Variants in TMPRSS11A observed in about 807,000 individuals in gnomAD.
TMPRSS11A encodes the protein transmembrane protease serine 11A.
A neutral mutation model predicts 58.9 loss-of-function variants in TMPRSS11A; 53 were observed. The observed-to-expected ratio is 0.90, with a 90% CI of 0.72 to 1.13. The LOEUF (loss-of-function observed/expected upper bound fraction) is 1.13, where lower values mean the gene tolerates loss of function less well. Ranked by LOEUF, TMPRSS11A falls within the 50% of genes most tolerant of loss-of-function variation. TMPRSS11A has a pLI of 0.00. For synonymous variants in TMPRSS11A, 167 were observed against 169.8 expected (o/e 0.98, Z 0.13); for missense variants, 493 against 499.3 (o/e 0.99, Z 0.12).
intron 1 of TMPRSS11A, 39 bp downstream of exon 1, chr4:67,963,344 A>G: frequency 6.2e-7 from 1 of 1,611,456 alleles, no homozygotes; most frequent in Non-Finnish European, 8.5e-7. Flanking sequence ...GACAGACAGT[A>G]CATCAAACAA....
At chr4:67,943,567 T>C (rs933512018) in intron 3 of TMPRSS11A, among the ~76,000 whole-genome samples, 5 of 152,164 alleles carry the variant, frequency 3.3e-5, no homozygotes, top group Non-Finnish European at 7.4e-5. Context: ...TGATTGCAAA[T>C]GCTCTTTTAT....
intron 3 of TMPRSS11A, among the ~76,000 whole-genome samples, chr4:67,935,395 C>A (rs923240137): frequency 1.3e-5 from 2 of 152,160 alleles, no homozygotes; most frequent in African/African-American, 2.4e-5. Context: ...CCTTCAAGGC[C>A]AATCTCAGAT....
At position 67,918,993 on chromosome 4, in the gene TMPRSS11A, A is replaced by C; in HGVS notation, c.932T>G (p.Phe311Cys). The C allele has an allele frequency of 6.2e-7, 1 of 1,614,132 alleles. No individual in the cohort carries two copies. Among genetic ancestry groups the C allele is most frequent in the Non-Finnish European group, 8.5e-7 (1 of 1,180,004 alleles). Residue 311 changes from phenylalanine to cysteine, a missense_variant, in exon 8 of 10, where the codon TTT becomes TGT. Coordinates refer to ENST00000508048, the MANE Select transcript of TMPRSS11A (RefSeq NM_001114387.2). ...QPNLTVHITG[F>C]GALYYGGESQ... ...CCCACCACCATAGTAAAGTGCTCCA[A>C]ATCCTGTGATGTGGACAGTCAAATT...
intron 1 of TMPRSS11A, among the ~76,000 whole-genome samples, chr4:67,963,152 T>C (rs1721480336): frequency 6.6e-6 from 1 of 152,226 alleles, no homozygotes; most frequent in Non-Finnish European, 1.5e-5. Context: ...ATCTTAACTA[T>C]TGAACTTGGC....
rs1577851727 is a variant in TMPRSS11A at position 67,917,764 on chromosome 4, A to C, written c.952+1209T>G. On this transcript the variant is annotated intron_variant, in intron 8 of 9. Transcript: ENST00000508048. Reference sequence around the variant, plus strand: ...CTCCTGAAAGTGATTTTTCCCACCAAGCCAAAGGGGATTTGTGATGTCTTT... The same window carrying C: ...CTCCTGAAAGTGATTTTTCCCACCACGCCAAAGGGGATTTGTGATGTCTTT... Among the ~76,000 whole-genome samples, 4 of 152,258 alleles carry C rather than the reference A, an allele frequency of 2.6e-5. No individual in the cohort carries two copies. The South Asian group carries it at 8.3e-4, about 32-fold the overall frequency.
At chr4:67,925,432 G>T (rs988557137) in intron 5 of TMPRSS11A, among the ~76,000 whole-genome samples, 1 of 152,142 alleles carries the variant, frequency 6.6e-6, no homozygotes. Flanking sequence ...ATGTTTCTCA[G>T]ACACATTCTC....
intron 9 of TMPRSS11A, among the ~76,000 whole-genome samples, chr4:67,913,808 A>G (rs1241711820): frequency 6.6e-6 from 1 of 152,242 alleles, no homozygotes; most frequent in Non-Finnish European, 1.5e-5. Flanking sequence ...GACTCTGGAC[A>G]GGACTTTCTG....
At position 67,946,575 on chromosome 4, in the gene TMPRSS11A, A is replaced by T. The variant is rs768319394; in HGVS notation, c.12-4T>A. 1.9e-6 allele frequency: 3 copies of T among 1,607,516 alleles called. No homozygotes were observed. ...TCGGGTGCCAAATCCCACTGTCCTGAGAAAAGGAAGGGCCCACTGGTTACT... is the reference window on the plus strand; with the variant it reads ...TCGGGTGCCAAATCCCACTGTCCTGTGAAAAGGAAGGGCCCACTGGTTACT... On this transcript the variant is annotated splice_polypyrimidine_tract_variant and splice_region_variant and intron_variant, in intron 1 of 9. Coordinates refer to ENST00000508048, the MANE Select transcript of TMPRSS11A (RefSeq NM_001114387.2).
intron 3 of TMPRSS11A, among the ~76,000 whole-genome samples, chr4:67,944,184 GC>G (rs1454667727): frequency 1.3e-5 from 2 of 152,238 alleles, no homozygotes; most frequent in East Asian, 3.9e-4. Flanking sequence ...ATATGATTAG[GC>G]TTTTCTACAG....
In TMPRSS11A at chr4:67,944,578, T is replaced by G. The variant is rs768810304; in HGVS notation, c.193A>C (p.Asn65His). The change falls in exon 3 of 10, where the codon AAT becomes CAT. Residue 65 changes from asparagine to histidine, a missense_variant. Coordinates refer to ENST00000508048, the MANE Select transcript of TMPRSS11A (RefSeq NM_001114387.2). ...TGATATGTGTTGCTTTGTCCGAAAT[T>G]GTTATTGATTTGTGGATCTAAAATT... is the stretch of plus-strand genomic sequence containing the variant. The part of the protein sequence containing the change: ...FKILDPQINN[N>H]FGQSNTYQLK... The G allele has an allele frequency of 1.2e-6, 2 of 1,613,154 alleles. No homozygotes were observed. Among genetic ancestry groups the G allele is most frequent in the Admixed American group, 3.3e-5 (2 of 59,998 alleles).
intron 7 of TMPRSS11A, 106 bp downstream of exon 7, chr4:67,922,649 C>G: frequency 8.9e-7 from 1 of 1,119,322 alleles, no homozygotes; most frequent in Non-Finnish European, 1.3e-6. Flanking sequence ...ATAACTTTTT[C>G]TTATTTTACT....
chr4:67,956,678 T>C (rs2109771824), intron 1 of TMPRSS11A, among the ~76,000 whole-genome samples: 1 of 152,358 alleles, frequency 6.6e-6, no homozygotes, highest in Non-Finnish European at 1.5e-5. Flanking sequence ...TAGCTGTTGA[T>C]GCACTACAAA....
chr4:67,920,661 G>A (rs146280300), intron 7 of TMPRSS11A, among the ~76,000 whole-genome samples: 5 of 151,200 alleles, frequency 3.3e-5, no homozygotes, highest in Non-Finnish European at 7.4e-5. Flanking sequence ...AGGGTTACAT[G>A]TGCAGGTTTG....
At position 67,917,956 on chromosome 4, in the gene TMPRSS11A, A is replaced by G. The variant is rs574480066; in HGVS notation, c.952+1017T>C. 2.0e-5 allele frequency among the ~76,000 whole-genome samples: 3 copies of G among 152,332 alleles called. No individual in the cohort carries two copies. In the South Asian group the frequency reaches 6.2e-4, roughly 32 times the overall value. ...TGGTAATACAACCTTAAAGAAAGCAATGCATGTCTCACTCTGTATAAGATA... is the reference window on the plus strand; with the variant it reads ...TGGTAATACAACCTTAAAGAAAGCAGTGCATGTCTCACTCTGTATAAGATA... On this transcript the variant is annotated intron_variant, in intron 8 of 9. Transcript: ENST00000508048.
intron 8 of TMPRSS11A, among the ~76,000 whole-genome samples, chr4:67,917,439 C>T (rs1720187857): frequency 6.6e-6 from 1 of 151,926 alleles, no homozygotes; most frequent in Admixed American, 6.6e-5. Flanking sequence ...TAGTTAGATT[C>T]CATTATGATC....
At chr4:67,960,793 C>T (rs939172752) in intron 1 of TMPRSS11A, among the ~76,000 whole-genome samples, 1 of 152,058 alleles carries the variant, frequency 6.6e-6, no homozygotes, top group Admixed American at 6.6e-5. Flanking sequence ...TACAAAGGAC[C>T]TGCCCAGTAC....
Position 67,948,259 on chromosome 4 carries a change from C to T in TMPRSS11A, c.12-1688G>A, listed in dbSNP as rs922003328. Among the ~76,000 whole-genome samples the T allele has an allele frequency of 5.7e-4, 85 of 150,324 alleles. 2 individuals carry two copies. The highest frequency in any genetic ancestry group is 6.3e-4 in the South Asian group (3 of 4,784). ...CTGCAAGCTCTGCCTCCCAGGTTCACGCCATTCTCCTGCCTCAGCCTCCTG... is the reference window on the plus strand; with the variant it reads ...CTGCAAGCTCTGCCTCCCAGGTTCATGCCATTCTCCTGCCTCAGCCTCCTG... On this transcript the variant is annotated intron_variant, in intron 1 of 9. Transcript: ENST00000508048.
rs1214762184 is a variant in TMPRSS11A, at chr4:67,914,592, C to A, written c.1091G>T (p.Cys364Phe). The change falls in exon 9 of 10, where the codon TGC becomes TTC. Residue 364 changes from cysteine (C) to phenylalanine (F), a missense_variant. Physicochemically the swap from Cys to Phe is radical, Grantham distance 205 (BLOSUM62 -2). Coordinates refer to ENST00000508048, the MANE Select transcript of TMPRSS11A (RefSeq NM_001114387.2). ...AGYMEGIYDA[C>F]RGDSGGPLVT... Reference sequence around the variant, plus strand: ...AAAAAAATCCCTCCAACTTACCCTGCAGGCATCATAAATTCCTTCCATATA... The same window carrying A: ...AAAAAAATCCCTCCAACTTACCCTGAAGGCATCATAAATTCCTTCCATATA... 2 of 1,613,414 alleles carry A rather than the reference C, an allele frequency of 1.2e-6. No homozygotes were observed. Among genetic ancestry groups the A allele is most frequent in the East Asian group, 2.2e-5 (1 of 44,792 alleles).
chr4:67,927,693 CA>C, intron 5 of TMPRSS11A, among the ~76,000 whole-genome samples: 1 of 152,318 alleles, frequency 6.6e-6, no homozygotes, highest in Middle Eastern at 3.4e-3. Flanking sequence ...GCCAGAAAAG[CA>C]ACACCCCCTA....
Sources: allele counts gnomAD v4.1 joint callset (sites outside exome capture counted in the v4.1 genomes callset), GRCh38; gene constraint gnomAD v4.1.1; transcripts MANE v1.5; gene names NCBI Gene and HGNC (gene_info 2026-07-23, HGNC 2026-07-21).